EMSY: variants seen among roughly 807,000 people sequenced by gnomAD.
The protein encoded by EMSY is EMSY transcriptional repressor, BRCA2 interacting, also known as BRCA2-interacting transcriptional repressor EMSY.
In EMSY, 26 loss-of-function variants were observed where a neutral mutation model predicts 134.6. That is an observed-to-expected ratio of 0.19 (90% confidence interval 0.14 to 0.27). The LOEUF (loss-of-function observed/expected upper bound fraction) is 0.27, where lower values mean the gene tolerates loss of function less well. EMSY is among the 10% of genes least tolerant of loss of function. EMSY has a pLI of 1.00. For missense variants in EMSY, 1,305 were observed against 1,611.4 expected, an observed-to-expected ratio of 0.81 and a Z score of 3.26; for synonymous variants, 579 against 577.8, an observed-to-expected ratio of 1.00 and a Z score of -0.03.
rs779915766 is a variant in EMSY at position 76,451,974 on chromosome 11, GT to G, written c.170+20del. 7 of 1,460,326 alleles carry G rather than the reference GT, an allele frequency of 4.8e-6. No homozygotes were observed. Among genetic ancestry groups the G allele is most frequent in the Non-Finnish European group, 6.5e-6 (7 of 1,081,876 alleles). The allele number at this position is 1,460,326 out of a possible 1,614,324, so 90.5% of individuals were successfully genotyped here. On this transcript the variant is annotated intron_variant, in intron 3 of 20. Transcript: ENST00000334736. Reference sequence around the variant, plus strand: ...AGTTCTTAGGTAAATTATTGTAAATGTTTGTGAGACTCTAGAAATTTCATTT... The same window carrying G: ...AGTTCTTAGGTAAATTATTGTAAATGTTGTGAGACTCTAGAAATTTCATTT...
At position 76,493,232 on chromosome 11, in the gene EMSY, G is replaced by A. The variant is rs946510512; in HGVS notation, c.1109-2983G>A. Reference sequence around the variant, plus strand: ...GGCACTGACGTGCCAGCCCCCTGCCGCCTGAACCGCCCCCACCCCCAGACT... The same window carrying A: ...GGCACTGACGTGCCAGCCCCCTGCCACCTGAACCGCCCCCACCCCCAGACT... On this transcript the variant is annotated intron_variant, in intron 8 of 20. Coordinates refer to ENST00000334736, the Ensembl canonical transcript of EMSY. Among the ~76,000 whole-genome samples, 6 of 152,284 alleles carry A rather than the reference G, an allele frequency of 3.9e-5. No homozygotes were observed. In the East Asian group the frequency reaches 7.8e-4, roughly 20 times the overall value.
chr11:76,538,733 A>G (rs553833443), intron 16 of EMSY, among the ~76,000 whole-genome samples: 5 of 152,246 alleles, frequency 3.3e-5, no homozygotes, highest in African/African-American at 1.2e-4. Flanking sequence ...CGAGGCGGGC[A>G]GATTGCTTGA....
rs531991870 is a variant in EMSY, at chr11:76,482,234, C to T, written c.1108+9394C>T. ...GCAAAAAGGATGTCCACACAGAAAC[C>T]CCATCTAAAAGTCACCAACATCAAA... On this transcript the variant is annotated intron_variant, in intron 8 of 20. Coordinates refer to ENST00000334736, the Ensembl canonical transcript of EMSY. Among the ~76,000 whole-genome samples the T allele has an allele frequency of 2.6e-5, 4 of 152,194 alleles. No individual in the cohort carries two copies. In the South Asian group the frequency reaches 8.3e-4, roughly 32 times the overall value.
At chr11:76,526,872 A>G (rs1950863927) in intron 13 of EMSY, among the ~76,000 whole-genome samples, 1 of 152,184 alleles carries the variant, frequency 6.6e-6, no homozygotes, top group African/African-American at 2.4e-5. Context: ...TGGGGAAATA[A>G]TTACCTAGGA....
rs143644891 is a variant in EMSY at position 76,520,776 on chromosome 11, T to G, written c.1685-2379T>G. Among the ~76,000 whole-genome samples the G allele has an allele frequency of 1.2e-4, 18 of 146,400 alleles. No homozygotes were observed. The East Asian group carries it at 3.7e-3, about 30-fold the overall frequency. On this transcript the variant is annotated intron_variant, in intron 11 of 20. Transcript: ENST00000334736. ...TAGTGTAACTTTGTATACACTAAGT[T>G]TACACAAACTTAGTGTAAGTTTGTA...
chr11:76,534,594 T>C (rs1951160319), intron 14 of EMSY, among the ~76,000 whole-genome samples: 1 of 152,162 alleles, frequency 6.6e-6, no homozygotes, highest in Non-Finnish European at 1.5e-5. Flanking sequence ...TTTCAACAAC[T>C]TTGTGGCTTT....
At chr11:76,448,389 A>G (rs1275333545) in intron 2 of EMSY, among the ~76,000 whole-genome samples, 1 of 151,962 alleles carries the variant, frequency 6.6e-6, no homozygotes, top group Non-Finnish European at 1.5e-5. Context: ...ACACTTGCAT[A>G]CAATTAATAT....
At chr11:76,533,968 T>G (rs1341665530) in intron 14 of EMSY, among the ~76,000 whole-genome samples, 1 of 152,204 alleles carries the variant, frequency 6.6e-6, no homozygotes, top group Non-Finnish European at 1.5e-5. Context: ...ACACTCATCT[T>G]GTGTCACAGG....
chr11:76,520,855 G>A (rs570112161), intron 11 of EMSY, among the ~76,000 whole-genome samples: 1 of 152,024 alleles, frequency 6.6e-6, no homozygotes, highest in African/African-American at 2.4e-5. Flanking sequence ...ATAAAATTGT[G>A]TTTAATTATT....
intron 15 of EMSY, among the ~76,000 whole-genome samples, chr11:76,537,433 C>T (rs906831283): frequency 2.0e-5 from 3 of 152,126 alleles, no homozygotes; most frequent in African/African-American, 2.4e-5. Context: ...ACTGCTTATT[C>T]ACCCTTTGTT....
chr11:76,492,657 C>A (rs1949469409), intron 8 of EMSY, among the ~76,000 whole-genome samples: 1 of 152,292 alleles, frequency 6.6e-6, no homozygotes, highest in African/African-American at 2.4e-5. Context: ...GCTGCCCATT[C>A]CACAGAGCCC....
At chr11:76,476,584 A>G (rs944920754) in intron 8 of EMSY, among the ~76,000 whole-genome samples, 3 of 152,196 alleles carry the variant, frequency 2.0e-5, no homozygotes, top group African/African-American at 4.8e-5. Flanking sequence ...TTTGATGTCT[A>G]TCAATATATT....
exon 20 of EMSY, chr11:76,546,218 C>T: frequency 6.2e-7 from 1 of 1,614,130 alleles, no homozygotes; most frequent in Non-Finnish European, 8.5e-7. Flanking sequence ...CCAGCAGTGC[C>T]TGCGACAGGC....
intron 10 of EMSY, 57 bp downstream of exon 11, chr11:76,513,592 T>A (rs972031825): frequency 3.2e-6 from 5 of 1,573,660 alleles, no homozygotes; most frequent in Non-Finnish European, 4.3e-6. Context: ...AAACAGTTTC[T>A]CTGTACCAGC....
At chr11:76,452,054 G>A (rs1168353203) in intron 3 of EMSY, 97 bp downstream of exon 3, 1 of 751,910 alleles carries the variant, frequency 1.3e-6, no homozygotes, top group African/African-American at 1.8e-5. Context: ...AAATTAAGTT[G>A]AAGAACAGAG....
intron 9 of EMSY, among the ~76,000 whole-genome samples, chr11:76,504,737 A>G (rs1237412730): frequency 1.3e-5 from 2 of 152,260 alleles, no homozygotes; most frequent in African/African-American, 2.4e-5. Context: ...TTTCAGCAGC[A>G]TTATTCGTAA....
chr11:76,548,266 A>G (rs1951723340), intron 20 of EMSY, among the ~76,000 whole-genome samples: 1 of 152,188 alleles, frequency 6.6e-6, no homozygotes, highest in Non-Finnish European at 1.5e-5. Flanking sequence ...TGAGTCTGTA[A>G]AGTGCTTTGA....
At chr11:76,486,759 A>C (rs1485011102) in intron 8 of EMSY, among the ~76,000 whole-genome samples, 2 of 152,226 alleles carry the variant, frequency 1.3e-5, no homozygotes, top group African/African-American at 4.8e-5. Context: ...CAGTTACTCC[A>C]GTTGACTGAT....
Position 76,523,180 on chromosome 11 carries a change from C to T in EMSY, c.1710C>T (p.Ile570=), listed in dbSNP as rs1419824612. 4 of 1,613,212 alleles carry T rather than the reference C, an allele frequency of 2.5e-6. No homozygotes were observed. The African/African-American group carries it at 4.0e-5, about 16-fold the overall frequency. The change falls in exon 12 of 21, where the codon ATC becomes ATT. Residue 570 remains isoleucine, a synonymous_variant. Coordinates refer to ENST00000334736, the Ensembl canonical transcript of EMSY. ...GAACGACTACCAAAATCACTACAAT[C>T]CCAATGACTTCCAAGCCCAACGTGA...
Sources: gnomAD v4.1 joint callset for allele counts (sites outside exome capture counted in the v4.1 genomes callset) on GRCh38, gnomAD v4.1.1 for gene constraint, MANE v1.5 for transcripts, NCBI Gene and HGNC (gene_info 2026-07-23, HGNC 2026-07-21) for gene names.